INTS4: variants seen among roughly 807,000 people sequenced by gnomAD.
INTS4 encodes MSTP093.
A neutral mutation model predicts 119.5 loss-of-function variants in INTS4; 70 were observed. That is an observed-to-expected ratio of 0.59 (90% CI 0.48 to 0.71). The LOEUF (loss-of-function observed/expected upper bound fraction) is 0.71, where lower values mean the gene tolerates loss of function less well. Among genes scored for constraint, INTS4 ranks in the 30% least tolerant of loss-of-function variants. The pLI, the probability that INTS4 is intolerant of heterozygous loss-of-function variation, is 0.00. For synonymous variants in INTS4, 316 were observed against 419.6 expected, an observed-to-expected ratio of 0.75 and a Z score of 3.02; for missense variants, 867 against 1,173.2, an observed-to-expected ratio of 0.74 and a Z score of 3.81.
Position 77,918,157 on chromosome 11 carries a change from C to T in INTS4, c.1922+664G>A, listed in dbSNP as rs1405164376. ...GAAGAAAGAATGAGCCTAGGCCGGG[C>T]ACAGTGGCTCACGCCTGTAATTCCA... On this transcript the variant is annotated intron_variant, in intron 15 of 22. Coordinates refer to ENST00000534064, the MANE Select transcript of INTS4 (RefSeq NM_033547.4). The T allele has an allele frequency of 5.7e-6, 4 of 699,058 alleles. No individual in the cohort carries two copies. In the African/African-American group the frequency reaches 7.0e-5, roughly 12 times the overall value. 43.3% of individuals were successfully genotyped at this position (699,058 alleles called of 1,614,324 possible).
Position 77,980,554 on chromosome 11 carries a change from T to A in INTS4, c.364+905A>T, listed in dbSNP as rs1209933695. Among the ~76,000 whole-genome samples the A allele has an allele frequency of 2.6e-5, 4 of 152,124 alleles. No individual in the cohort carries two copies. In the East Asian group the frequency reaches 7.7e-4, roughly 29 times the overall value. On this transcript the variant is annotated intron_variant, in intron 3 of 22. Transcript: ENST00000534064. ...CAACCATGTTTGGCTAATTTTTTAA[T>A]ATTTTGTAGAGACAAGATCTAATTA...
chr11:77,966,175 G>T (rs1351590492), intron 4 of INTS4, among the ~76,000 whole-genome samples: 2 of 152,054 alleles, frequency 1.3e-5, no homozygotes, highest in East Asian at 3.9e-4. Flanking sequence ...CTACTTAGTT[G>T]AATTCCTTAT....
At chr11:77,984,914 G>A (rs201353112) in intron 2 of INTS4, among the ~76,000 whole-genome samples, 44 of 137,320 alleles carry the variant, frequency 3.2e-4, no homozygotes, top group Admixed American at 5.2e-4. Flanking sequence ...AAATGTAAAT[G>A]AAAAAAAAAA....
chr11:77,893,115 A>G (rs1183271682), intron 19 of INTS4, among the ~76,000 whole-genome samples: 1 of 152,190 alleles, frequency 6.6e-6, no homozygotes, highest in Non-Finnish European at 1.5e-5. Flanking sequence ...TTCTCCCAGT[A>G]TTATTCTGCC....
At position 77,987,846 on chromosome 11, in the gene INTS4, T is replaced by C. The variant is rs114947602; in HGVS notation, c.246+3262A>G. The C allele has an allele frequency of 7.0e-3, 2,087 of 298,598 alleles. 42 individuals are homozygous for C. The highest frequency in any genetic ancestry group is 0.043 in the African/African-American group (1,902 of 44,058). The allele number at this position is 298,598 out of a possible 1,614,324, so 18.5% of individuals were successfully genotyped here. On this transcript the variant is annotated intron_variant, in intron 2 of 22. Transcript: ENST00000534064. Reference sequence around the variant, plus strand: ...AGTGATCACGCCATTGCACTCTAGATTGGGCAACAGAGCAACACTCAAAAA... The same window carrying C: ...AGTGATCACGCCATTGCACTCTAGACTGGGCAACAGAGCAACACTCAAAAA...
intron 2 of INTS4, among the ~76,000 whole-genome samples, chr11:77,986,750 C>T (rs1288717730): frequency 6.6e-6 from 1 of 151,828 alleles, no homozygotes; most frequent in Non-Finnish European, 1.5e-5. Flanking sequence ...GAAAACCAAA[C>T]ACCGCATGTT....
chr11:77,959,566 G>A (rs1283827447), intron 6 of INTS4, among the ~76,000 whole-genome samples: 1 of 151,894 alleles, frequency 6.6e-6, no homozygotes, highest in Non-Finnish European at 1.5e-5. Context: ...GAGTCCTTAC[G>A]ATCCAAGTTT....
intron 3 of INTS4, among the ~76,000 whole-genome samples, chr11:77,979,742 G>C (rs1384043014): frequency 6.6e-6 from 1 of 151,140 alleles, no homozygotes; most frequent in Non-Finnish European, 1.5e-5. Context: ...CACTTTGGGA[G>C]GCTGAGGCGG....
chr11:77,962,641 T>C (rs966118591), intron 4 of INTS4, among the ~76,000 whole-genome samples: 3 of 151,928 alleles, frequency 2.0e-5, no homozygotes, highest in Non-Finnish European at 4.4e-5. Context: ...AAAACAGACA[T>C]ACAGCAAGTT....
At chr11:77,951,095 T>C (rs1221817641) in intron 8 of INTS4, among the ~76,000 whole-genome samples, 4 of 152,134 alleles carry the variant, frequency 2.6e-5, no homozygotes, top group Non-Finnish European at 4.4e-5. Flanking sequence ...GGTGTATATG[T>C]GCCACATTTT....
intron 14 of INTS4, 37 bp from the exon 15 acceptor site, chr11:77,919,015 T>A: frequency 6.2e-7 from 1 of 1,611,620 alleles, no homozygotes; most frequent in Admixed American, 1.7e-5. Flanking sequence ...TTAAGTTTGG[T>A]GGCTCAGCTT....
chr11:77,941,379 G>A (rs1001270857), intron 8 of INTS4, 128 bp from the exon 9 acceptor site: 25 of 981,972 alleles, frequency 2.5e-5, no homozygotes, highest in Non-Finnish European at 1.0e-5. Context: ...AGATGCTATG[G>A]GTTCTGAATC....
At chr11:77,947,712 A>G (rs1429652305) in intron 8 of INTS4, among the ~76,000 whole-genome samples, 1 of 152,250 alleles carries the variant, frequency 6.6e-6, no homozygotes, top group Non-Finnish European at 1.5e-5. Flanking sequence ...TAGCTAAGGA[A>G]CACATAACAG....
At chr11:77,880,295 TTCTC>T (rs1191180919) in intron 22 of INTS4, among the ~76,000 whole-genome samples, 2 of 152,188 alleles carry the variant, frequency 1.3e-5, no homozygotes, top group Non-Finnish European at 2.9e-5. Context: ...ACATCCAAGC[TTCTC>T]TCTATGGGTC....
chr11:77,879,362 G>A (rs1951704360), intron 22 of INTS4, among the ~76,000 whole-genome samples: 1 of 152,204 alleles, frequency 6.6e-6, no homozygotes, highest in South Asian at 2.1e-4. Flanking sequence ...GAGGCAACTG[G>A]AGAGCAAGCT....
Position 77,982,532 on chromosome 11 carries a change from GCAGGGGAGACTGA to G in INTS4, c.247-969_247-957del, listed in dbSNP as rs774190496. Among the ~76,000 whole-genome samples the G allele has an allele frequency of 2.6e-5, 4 of 152,110 alleles. 1 individual carries two copies. The highest frequency in any genetic ancestry group is 5.9e-5 in the Non-Finnish European group (4 of 68,018). ...TAAGTCTTGTGCCTGGGCCCCAGCT[GCAGGGGAGACTGA>G]CAAAGAAATAGTCTGGCTGTTTTAG... On this transcript the variant is annotated intron_variant, in intron 2 of 22. Transcript: ENST00000534064.
At chr11:77,922,684 G>T in intron 12 of INTS4, 2 of 709,010 alleles carry the variant, frequency 2.8e-6, no homozygotes, top group East Asian at 3.2e-5. Flanking sequence ...TAAAAGAACT[G>T]GTTATTTAAC....
At position 77,989,799 on chromosome 11, in the gene INTS4, T is replaced by G. The variant is rs1163210042; in HGVS notation, c.246+1309A>C. ...CTGTAGTCCCAGCTACTCAGAAGGC[T>G]GAGGCAGGAGGATCAATTGAGCCTC... On this transcript the variant is annotated intron_variant, in intron 2 of 22. Transcript: ENST00000534064. 2.0e-5 allele frequency among the ~76,000 whole-genome samples: 3 copies of G among 152,016 alleles called. No homozygotes were observed. In the East Asian group the frequency reaches 5.8e-4, roughly 29 times the overall value.
intron 4 of INTS4, among the ~76,000 whole-genome samples, chr11:77,974,033 T>C (rs1321350267): frequency 1.3e-5 from 2 of 152,136 alleles, no homozygotes; most frequent in African/African-American, 4.8e-5. Flanking sequence ...TTTGGTAGAA[T>C]TCACCAGTGA....
Sources: allele counts gnomAD v4.1 joint callset (sites outside exome capture counted in the v4.1 genomes callset), GRCh38; gene constraint gnomAD v4.1.1; transcripts MANE v1.5; gene names NCBI Gene and HGNC (gene_info 2026-07-23, HGNC 2026-07-21).